Variants in POU6F2 observed in about 807,000 individuals in gnomAD.
The protein encoded by POU6F2 is POU domain, class 6, transcription factor 2.
A neutral mutation model predicts 71.3 loss-of-function variants in POU6F2; 31 were observed. The observed-to-expected ratio is 0.43, with a 90% CI of 0.33 to 0.59. The LOEUF is 0.59. POU6F2 is among the 20% of genes least tolerant of loss of function. The pLI, the probability that POU6F2 is intolerant of heterozygous loss-of-function variation, is 0.04. For missense variants in POU6F2, 783 were observed against 856.8 expected (o/e 0.91, Z 1.07); for synonymous variants, 347 against 355.7 (o/e 0.98, Z 0.27).
chr7:39,207,201 T>A (rs191608190), intron 3 of POU6F2, among the ~76,000 whole-genome samples, 191 bp from the exon 4 acceptor site: 228 of 152,356 alleles, frequency 1.5e-3, no homozygotes, highest in African/African-American at 5.1e-3. Flanking sequence ...AATGAAATTT[T>A]CCAAAGAAAT....
intron 7 of POU6F2, among the ~76,000 whole-genome samples, chr7:39,447,075 G>A (rs944501978): frequency 2.0e-5 from 3 of 152,156 alleles, no homozygotes; most frequent in Non-Finnish European, 4.4e-5. Context: ...AACTGCATCT[G>A]AGATGTGTCC....
intron 2 of POU6F2, among the ~76,000 whole-genome samples, chr7:39,153,827 G>A (rs563063388): frequency 7.9e-5 from 12 of 152,196 alleles, no homozygotes; most frequent in East Asian, 1.9e-4. Context: ...GAAGCCTTGC[G>A]GGCAAAGGGG....
At chr7:39,455,786 A>G (rs1290208610) in intron 8 of POU6F2, among the ~76,000 whole-genome samples, 2 of 152,202 alleles carry the variant, frequency 1.3e-5, no homozygotes, top group Admixed American at 6.5e-5. Context: ...TGAGCATTCA[A>G]TTCAGTATGT....
intron 4 of POU6F2, among the ~76,000 whole-genome samples, chr7:39,328,006 C>T (rs1358582287): frequency 2.0e-5 from 3 of 152,098 alleles, no homozygotes; most frequent in Non-Finnish European, 2.9e-5. Flanking sequence ...CTGCAACCTC[C>T]GTCTCCCAGG....
In POU6F2 at chr7:39,313,551, C is replaced by T. The variant is rs530322479; in HGVS notation, c.599-26091C>T. On this transcript the variant is annotated intron_variant, in intron 4 of 9. Transcript: ENST00000518318. ...TAGTGCCTGGAACACAGTAGCCATTCGAGTATTTATTTAGTGAATAAATAA... is the reference window on the plus strand; with the variant it reads ...TAGTGCCTGGAACACAGTAGCCATTTGAGTATTTATTTAGTGAATAAATAA... Among the ~76,000 whole-genome samples, 15 of 152,164 alleles carry T rather than the reference C, an allele frequency of 9.9e-5. No individual in the cohort carries two copies. In the South Asian group the frequency reaches 3.1e-3, roughly 32 times the overall value.
intron 2 of POU6F2, among the ~76,000 whole-genome samples, chr7:39,183,447 G>A (rs1793474403): frequency 6.6e-6 from 1 of 152,178 alleles, no homozygotes; most frequent in African/African-American, 2.4e-5. Flanking sequence ...GAAGGAGGAA[G>A]AGAGAGAGAA....
intron 4 of POU6F2, among the ~76,000 whole-genome samples, chr7:39,328,490 G>C (rs1392889624): frequency 2.0e-5 from 3 of 152,158 alleles, no homozygotes; most frequent in African/African-American, 7.2e-5. Flanking sequence ...AGATGAATTT[G>C]GTCCTGTATA....
intron 5 of POU6F2, among the ~76,000 whole-genome samples, chr7:39,385,346 C>G (rs75297662): frequency 2.6e-5 from 4 of 152,264 alleles, no homozygotes; most frequent in Admixed American, 6.5e-5. Flanking sequence ...CAAGGCATTG[C>G]GTTCAGCACC....
At chr7:38,979,549 C>T (rs984722682) in intron 1 of POU6F2, among the ~76,000 whole-genome samples, 15 of 152,128 alleles carry the variant, frequency 9.9e-5, no homozygotes, top group African/African-American at 3.6e-4. Context: ...AGTCTCTAGG[C>T]AGGAGAAAAT....
At chr7:39,402,241 T>C (rs6977785) in intron 5 of POU6F2, among the ~76,000 whole-genome samples, 5 of 152,230 alleles carry the variant, frequency 3.3e-5, no homozygotes, top group African/African-American at 1.2e-4. Context: ...AGGGAGACTT[T>C]ATCAAAGCTT....
intron 2 of POU6F2, among the ~76,000 whole-genome samples, chr7:39,201,771 G>A (rs866216994): frequency 7.2e-5 from 11 of 152,182 alleles, no homozygotes; most frequent in Admixed American, 1.3e-4. Context: ...TCAGCTAAGT[G>A]TTGCTTCAAA....
intron 1 of POU6F2, among the ~76,000 whole-genome samples, chr7:39,070,712 C>T (rs897773493): frequency 3.3e-5 from 5 of 152,282 alleles, no homozygotes; most frequent in African/African-American, 1.2e-4. Context: ...TGGCTGTGCC[C>T]ACGGGTCCCT....
chr7:39,180,013 A>G (rs1375124643), intron 2 of POU6F2, among the ~76,000 whole-genome samples: 2 of 152,204 alleles, frequency 1.3e-5, no homozygotes, highest in African/African-American at 4.8e-5. Flanking sequence ...TAGAAAAGGG[A>G]TCAATAGTAG....
chr7:39,269,039 A>G (rs950571915), intron 4 of POU6F2, among the ~76,000 whole-genome samples: 2 of 152,230 alleles, frequency 1.3e-5, no homozygotes, highest in Non-Finnish European at 2.9e-5. Flanking sequence ...ATGGAAATAC[A>G]TGGTATTTTA....
intron 1 of POU6F2, among the ~76,000 whole-genome samples, chr7:39,070,126 T>A (rs1355872159): frequency 1.3e-5 from 2 of 152,174 alleles, no homozygotes; most frequent in Non-Finnish European, 2.9e-5. Flanking sequence ...CAGTACTGGT[T>A]CTGCAAAGGC....
intron 1 of POU6F2, among the ~76,000 whole-genome samples, chr7:39,001,778 G>C (rs1340178958): frequency 6.6e-6 from 1 of 152,040 alleles, no homozygotes; most frequent in Non-Finnish European, 1.5e-5. Flanking sequence ...GATGGTGATA[G>C]TGATGGTGAT....
At chr7:39,302,840 G>C (rs151200474) in intron 4 of POU6F2, among the ~76,000 whole-genome samples, 1 of 152,362 alleles carries the variant, frequency 6.6e-6, no homozygotes, top group African/African-American at 2.4e-5. Flanking sequence ...TGAGTGATGA[G>C]TGACTGAACG....
intron 4 of POU6F2, among the ~76,000 whole-genome samples, chr7:39,266,590 G>C (rs535808861): frequency 1.1e-4 from 17 of 151,904 alleles, no homozygotes; most frequent in Admixed American, 4.6e-4. Flanking sequence ...GGGCACAATG[G>C]TGTGATCATA....
chr7:39,080,456 A>G (rs1791093753), intron 1 of POU6F2, among the ~76,000 whole-genome samples: 1 of 152,212 alleles, frequency 6.6e-6, no homozygotes, highest in Admixed American at 6.5e-5. Flanking sequence ...AATTGGATGT[A>G]GGTAATTTGT....
Sources: allele counts gnomAD v4.1 joint callset (sites outside exome capture counted in the v4.1 genomes callset), GRCh38; gene constraint gnomAD v4.1.1; transcripts MANE v1.5; gene names NCBI Gene and HGNC (gene_info 2026-07-23, HGNC 2026-07-21).